Variants in PDE4D observed in about 807,000 individuals in gnomAD.
PDE4D encodes the protein 3',5'-cyclic-AMP phosphodiesterase 4D.
PDE4D carries 24 observed loss-of-function variants against 87.4 expected under a neutral mutation model. The ratio of observed to expected loss-of-function variants is 0.27; its 90% confidence interval spans 0.20 to 0.39. The LOEUF (loss-of-function observed/expected upper bound fraction) is 0.39. Ranked by LOEUF, PDE4D falls within the 10% of genes least tolerant of loss-of-function variation. The pLI, the probability that PDE4D is intolerant of heterozygous loss-of-function variation, is 1.00. For missense variants in PDE4D, 714 were observed against 1,041.0 expected (o/e 0.69, Z 4.32); for synonymous variants, 384 against 383.2 (o/e 1.00, Z -0.02).
At chr5:60,087,026 T>C (rs1774605710) in intron 2 of PDE4D, among the ~76,000 whole-genome samples, 1 of 152,196 alleles carries the variant, frequency 6.6e-6, no homozygotes, top group Non-Finnish European at 1.5e-5. Flanking sequence ...TGGGACTGAG[T>C]TCTGGTACTC....
rs548395027 is a variant in PDE4D at position 60,152,937 on chromosome 5, A to C, written c.42+32620T>G. Among the ~76,000 whole-genome samples, 11 of 152,234 alleles carry C rather than the reference A, an allele frequency of 7.2e-5. No homozygotes were observed. In the South Asian group the frequency reaches 2.3e-3, roughly 32 times the overall value. On this transcript the variant is annotated intron_variant, in intron 2 of 16. Transcript: ENST00000502484. ...ATCTCTTTCATTTGTGATTTTATTT[A>C]TTTGAGTTTTCTCTCTTTTTTCTTA...
chr5:59,534,596 T>C (rs908640284), intron 1 of PDE4D, among the ~76,000 whole-genome samples: 1 of 152,126 alleles, frequency 6.6e-6, no homozygotes, highest in African/African-American at 2.4e-5. Flanking sequence ...AGTATGCACA[T>C]GAAAGTACCC....
Position 58,973,960 on chromosome 5 carries a change from T to G in PDE4D, c.*704A>C, listed in dbSNP as rs1561203351. ...AGATTTTTATCCAGTGTAGCACAGA[T>G]TTGTACTGAAAACTTGCAAGTTACT... On this transcript the variant is annotated 3_prime_UTR_variant, in exon 15 of 15. Transcript: ENST00000340635. The G allele has an allele frequency of 1.3e-5, 2 of 152,722 alleles. No homozygotes were observed. The highest frequency in any genetic ancestry group is 4.1e-4 in the South Asian group (2 of 4,826). The allele number at this position is 152,722 out of a possible 1,614,324, so 9.5% of individuals were successfully genotyped here.
chr5:60,406,801 T>C (rs1583652573), intron 1 of PDE4D, among the ~76,000 whole-genome samples: 1 of 152,132 alleles, frequency 6.6e-6, no homozygotes, highest in East Asian at 1.9e-4. Context: ...GCTGAGAAAA[T>C]AGGACCACGT....
At chr5:59,509,083 T>G (rs1417032493) in intron 1 of PDE4D, among the ~76,000 whole-genome samples, 5 of 151,954 alleles carry the variant, frequency 3.3e-5, no homozygotes, top group Admixed American at 6.6e-5. Flanking sequence ...TACCAATACA[T>G]TTTAAGTAAA....
intron 1 of PDE4D, among the ~76,000 whole-genome samples, chr5:59,687,032 C>T (rs536097877): frequency 1.3e-5 from 2 of 152,100 alleles, no homozygotes; most frequent in East Asian, 3.9e-4. Context: ...AAAGAAGCAG[C>T]TAAGAGAGAA....
chr5:59,165,357 T>C (rs1406433685), intron 5 of PDE4D, among the ~76,000 whole-genome samples: 1 of 152,202 alleles, frequency 6.6e-6, no homozygotes, highest in Non-Finnish European at 1.5e-5. Context: ...TACTGCAACC[T>C]CTGCCTCCCA....
At chr5:60,433,922 G>A (rs768336152) in intron 1 of PDE4D, among the ~76,000 whole-genome samples, 2 of 152,170 alleles carry the variant, frequency 1.3e-5, no homozygotes, top group African/African-American at 4.8e-5. Context: ...GCCTATTTGA[G>A]GGTGGAGGGT....
intron 1 of PDE4D, among the ~76,000 whole-genome samples, chr5:60,468,727 T>G (rs767263455): frequency 2.0e-5 from 3 of 152,032 alleles, no homozygotes; most frequent in Non-Finnish European, 4.4e-5. Flanking sequence ...GATCTTACTA[T>G]GTTGCCCAGG....
chr5:59,621,090 A>G (rs1428000940), intron 1 of PDE4D, among the ~76,000 whole-genome samples: 2 of 152,066 alleles, frequency 1.3e-5, no homozygotes, highest in Non-Finnish European at 2.9e-5. Context: ...TAAAAGTTCA[A>G]TTAGGCAAGT....
chr5:59,119,862 T>C lies in PDE4D; in HGVS notation c.808+60733A>G, dbSNP rs189576482. 2.4e-3 allele frequency among the ~76,000 whole-genome samples: 368 copies of C among 152,326 alleles called. 3 individuals carry two copies. The highest frequency in any genetic ancestry group is 8.5e-3 in the African/African-American group (354 of 41,574). On this transcript the variant is annotated intron_variant, in intron 5 of 14. Transcript: ENST00000340635. ...GCTTTTTCTGTGTGTCATTGCTTTT[T>C]GAGATGGGGTCTTGTTCTGCTGCAT...
At chr5:59,932,770 C>T (rs1417379339) in intron 3 of PDE4D, among the ~76,000 whole-genome samples, 2 of 152,100 alleles carry the variant, frequency 1.3e-5, no homozygotes, top group African/African-American at 4.8e-5. Flanking sequence ...CTTAGAAAGA[C>T]AGAGAGAAAA....
intron 4 of PDE4D, among the ~76,000 whole-genome samples, chr5:59,181,573 A>ATATATATATATATATATATATAT (rs1162609708): frequency 1.3e-4 from 11 of 85,170 alleles, no homozygotes; most frequent in African/African-American, 6.2e-4. Context: ...TATATATATT[A>ATATATATATATATATATATATAT]GGTATATAAT....
intron 1 of PDE4D, among the ~76,000 whole-genome samples, chr5:59,569,879 G>T (rs1197470908): frequency 1.3e-5 from 2 of 152,168 alleles, no homozygotes; most frequent in Non-Finnish European, 2.9e-5. Flanking sequence ...TCTGAATGAT[G>T]CAGGGTCAAG....
At chr5:59,572,603 C>G (rs1451151579) in intron 1 of PDE4D, among the ~76,000 whole-genome samples, 1 of 152,130 alleles carries the variant, frequency 6.6e-6, no homozygotes, top group Non-Finnish European at 1.5e-5. Context: ...GCCTCAGCAT[C>G]CCGAGTAGCT....
At chr5:59,499,144 CTAAT>C (rs1807791581) in intron 1 of PDE4D, among the ~76,000 whole-genome samples, 1 of 151,634 alleles carries the variant, frequency 6.6e-6, no homozygotes, top group South Asian at 2.1e-4. Context: ...ATACAGGAAA[CTAAT>C]CAACTTGTTT....
At chr5:59,044,444 C>T (rs2968012) in intron 5 of PDE4D, among the ~76,000 whole-genome samples, 7 of 151,988 alleles carry the variant, frequency 4.6e-5, no homozygotes, top group Admixed American at 2.6e-4. Context: ...CTTTGTTCTA[C>T]GGAAGGAATT....
Position 60,038,843 on chromosome 5 carries a change from C to G in PDE4D, c.43-50126G>C, listed in dbSNP as rs547537239. ...CAAAAAACACATGAAAAAATGCTCA[C>G]CATCACTGGCCATCAGAGAAATGCA... is the stretch of plus-strand genomic sequence containing the variant. On this transcript the variant is annotated intron_variant, in intron 2 of 16. Transcript: ENST00000502484. 7.0e-3 allele frequency among the ~76,000 whole-genome samples: 1,057 copies of G among 151,640 alleles called. 13 individuals are homozygous for G. The highest frequency in any genetic ancestry group is 0.024 in the African/African-American group (1,012 of 41,336).
chr5:59,473,083 G>GAAAAAAAAA (rs10573988), intron 1 of PDE4D, among the ~76,000 whole-genome samples: 3 of 92,106 alleles, frequency 3.3e-5, no homozygotes, highest in East Asian at 3.5e-4. Context: ...GCTTTCTCAT[G>GAAAAAAAAA]AAAAAAAAAA....
Sources: allele counts gnomAD v4.1 joint callset (sites outside exome capture counted in the v4.1 genomes callset), GRCh38; gene constraint gnomAD v4.1.1; transcripts MANE v1.5; gene names NCBI Gene and HGNC (gene_info 2026-07-23, HGNC 2026-07-21).